Variants in LRMDA observed in about 807,000 individuals in gnomAD.
LRMDA encodes the protein leucine-rich melanocyte differentiation-associated protein.
Under a neutral mutation model 29.8 loss-of-function variants are expected in LRMDA, and 18 were observed. The observed-to-expected ratio is 0.60, with a 90% CI of 0.42 to 0.90. The LOEUF (loss-of-function observed/expected upper bound fraction) is 0.90. Among genes scored for constraint, LRMDA ranks in the 40% least tolerant of loss-of-function variants. The pLI is 0.00. For missense variants in LRMDA, 273 were observed against 273.9 expected (o/e 1.00, Z 0.02); for synonymous variants, 125 against 109.4 (o/e 1.14, Z -0.89).
intron 5 of LRMDA, among the ~76,000 whole-genome samples, chr10:76,209,823 C>G (rs145646866): frequency 2.5e-4 from 38 of 152,178 alleles, no homozygotes; most frequent in Middle Eastern, 3.4e-3. Flanking sequence ...CACATGGGGA[C>G]ACTATCCAGG....
rs1376846165 is a variant in LRMDA at position 75,692,286 on chromosome 10, TACATATATACAC to T, written c.131+253804_131+253815del. Among the ~76,000 whole-genome samples, 32 of 145,556 alleles carry T rather than the reference TACATATATACAC, an allele frequency of 2.2e-4. No individual in the cohort carries two copies. The South Asian group carries it at 3.8e-3, about 17-fold the overall frequency. On this transcript the variant is annotated intron_variant, in intron 2 of 6. Transcript: ENST00000611255. ...TTATATAAATATATACACAAGTATA[TACATATATACAC>T]ACATATATACATACATATATACATA...
intron 2 of LRMDA, among the ~76,000 whole-genome samples, chr10:75,600,960 A>G (rs943500339): frequency 1.3e-4 from 20 of 152,254 alleles, no homozygotes; most frequent in Non-Finnish European, 2.9e-5. Context: ...CTCCTCTTCC[A>G]GAGCTGAGCC....
At chr10:75,677,771 C>A (rs531121119) in intron 2 of LRMDA, among the ~76,000 whole-genome samples, 141 of 152,284 alleles carry the variant, frequency 9.3e-4, no homozygotes, top group Non-Finnish European at 1.7e-3. Context: ...TTGAGGCCAA[C>A]TATGCACTGA....
At chr10:75,591,509 G>A (rs1840724051) in intron 2 of LRMDA, among the ~76,000 whole-genome samples, 1 of 152,196 alleles carries the variant, frequency 6.6e-6, no homozygotes, top group South Asian at 2.1e-4. Flanking sequence ...GTCATGAGCA[G>A]TTTCCTTCGT....
At chr10:75,772,874 G>C (rs1269137373) in intron 2 of LRMDA, among the ~76,000 whole-genome samples, 1 of 128,904 alleles carries the variant, frequency 7.8e-6, no homozygotes, top group Non-Finnish European at 1.6e-5. Flanking sequence ...TGGGATGGGG[G>C]GGGGCAGATT....
chr10:76,276,103 T>C (rs905899127), intron 5 of LRMDA, among the ~76,000 whole-genome samples: 12 of 151,882 alleles, frequency 7.9e-5, no homozygotes, highest in Non-Finnish European at 1.0e-4. Context: ...CTTTTGTTAA[T>C]TCTTTTGTTC....
At chr10:75,889,378 T>C (rs1845444775) in intron 2 of LRMDA, among the ~76,000 whole-genome samples, 1 of 152,218 alleles carries the variant, frequency 6.6e-6, no homozygotes, top group African/African-American at 2.4e-5. Context: ...AGCTATTGTC[T>C]TGAGTTAGAA....
intron 6 of LRMDA, among the ~76,000 whole-genome samples, chr10:76,474,922 C>A (rs1842651753): frequency 6.6e-6 from 1 of 151,690 alleles, no homozygotes; most frequent in Non-Finnish European, 1.5e-5. Flanking sequence ...ATATCTATAG[C>A]AGCATTATTC....
chr10:76,394,861 C>G (rs1841764613), intron 6 of LRMDA, among the ~76,000 whole-genome samples: 1 of 152,152 alleles, frequency 6.6e-6, no homozygotes, highest in Non-Finnish European at 1.5e-5. Context: ...TTTAATCTTC[C>G]AAAGGGGTTT....
chr10:75,930,865 C>T (rs1846194500), intron 2 of LRMDA, among the ~76,000 whole-genome samples: 1 of 152,176 alleles, frequency 6.6e-6, no homozygotes, highest in Non-Finnish European at 1.5e-5. Context: ...ACTAATAAGC[C>T]TAATAAGAAT....
At position 76,069,083 on chromosome 10, in the gene LRMDA, C is replaced by T. The variant is rs963696293; in HGVS notation, c.516+10300C>T. 6.6e-5 allele frequency among the ~76,000 whole-genome samples: 10 copies of T among 152,198 alleles called. No homozygotes were observed. In the East Asian group the frequency reaches 1.5e-3, roughly 23 times the overall value. On this transcript the variant is annotated intron_variant, in intron 5 of 6. Transcript: ENST00000611255. ...CAAGTTCCCAGACAGCTGTTGGATCCGGCTTGAGAGTCTGCTACAACCCTC... is the reference window on the plus strand; with the variant it reads ...CAAGTTCCCAGACAGCTGTTGGATCTGGCTTGAGAGTCTGCTACAACCCTC...
chr10:75,535,968 A>G (rs996555008), intron 2 of LRMDA, among the ~76,000 whole-genome samples: 1 of 152,164 alleles, frequency 6.6e-6, no homozygotes, highest in Non-Finnish European at 1.5e-5. Flanking sequence ...ATTCTATGCA[A>G]TCCTGTAGAA....
chr10:75,465,705 TG>T (rs1215220555), intron 2 of LRMDA, among the ~76,000 whole-genome samples: 1 of 152,208 alleles, frequency 6.6e-6, no homozygotes, highest in Non-Finnish European at 1.5e-5. Context: ...AAACATTTCA[TG>T]CTGACCACTG....
intron 5 of LRMDA, among the ~76,000 whole-genome samples, chr10:76,061,827 T>C (rs535483186): frequency 6.6e-6 from 1 of 152,348 alleles, no homozygotes; most frequent in South Asian, 2.1e-4. Flanking sequence ...CATATCGAAC[T>C]GGATGCCTAC....
At chr10:75,468,602 C>T (rs909431834) in intron 2 of LRMDA, among the ~76,000 whole-genome samples, 5 of 152,130 alleles carry the variant, frequency 3.3e-5, no homozygotes, top group African/African-American at 1.2e-4. Context: ...TGAAGTGATG[C>T]TAGTCACTTT....
intron 5 of LRMDA, among the ~76,000 whole-genome samples, chr10:76,182,360 CG>C (rs1851065195): frequency 1.3e-5 from 2 of 152,144 alleles, no homozygotes; most frequent in South Asian, 4.1e-4. Flanking sequence ...GTTCTTCCCT[CG>C]ACATGTGGGG....
intron 2 of LRMDA, among the ~76,000 whole-genome samples, chr10:75,518,438 T>C (rs1362827854): frequency 6.6e-6 from 1 of 152,202 alleles, no homozygotes; most frequent in Non-Finnish European, 1.5e-5. Context: ...GGAAGGTGTA[T>C]GTGTCCAAGA....
Position 76,528,955 on chromosome 10 carries a change from G to A in LRMDA, c.602-28254G>A, listed in dbSNP as rs528879750. 2.6e-5 allele frequency among the ~76,000 whole-genome samples: 4 copies of A among 152,278 alleles called. No individual in the cohort carries two copies. In the South Asian group the frequency reaches 6.2e-4, roughly 24 times the overall value. ...ATGCTCAACAGCATAGGGGCTCTGT[G>A]TATAAGATGAAAGAGGAATATAGAT... On this transcript the variant is annotated intron_variant, in intron 6 of 6. Transcript: ENST00000611255.
intron 2 of LRMDA, among the ~76,000 whole-genome samples, chr10:76,007,196 A>G (rs1236792892): frequency 6.6e-6 from 1 of 152,060 alleles, no homozygotes; most frequent in Admixed American, 6.5e-5. Context: ...TCTGTAAAAT[A>G]AACCTCAGGC....
Sources: allele counts gnomAD v4.1 joint callset (sites outside exome capture counted in the v4.1 genomes callset), GRCh38; gene constraint gnomAD v4.1.1; transcripts MANE v1.5; gene names NCBI Gene and HGNC (gene_info 2026-07-23, HGNC 2026-07-21).